The following IRF5 variants were observed in gnomAD, a reference collection of about 807,000 sequenced individuals.
IRF5 encodes the protein interferon regulatory factor 5.
In IRF5, 24 loss-of-function variants were observed where a neutral mutation model predicts 55.1. That is an observed-to-expected ratio of 0.44 (90% CI 0.32 to 0.61). IRF5 has a LOEUF of 0.61. Among genes scored for constraint, IRF5 ranks in the 20% least tolerant of loss-of-function variants. IRF5 has a pLI of 0.07. For synonymous variants in IRF5, 258 were observed against 260.2 expected (o/e 0.99, Z 0.08); for missense variants, 499 against 658.5 (o/e 0.76, Z 2.65).
chr7:128,947,101 C>G lies in IRF5; in HGVS notation c.481+45C>G. 3.1e-6 allele frequency: 5 copies of G among 1,613,940 alleles called. No individual in the cohort carries two copies. Among genetic ancestry groups the G allele is most frequent in the Non-Finnish European group, 4.2e-6 (5 of 1,179,914 alleles). On this transcript the variant is annotated intron_variant, in intron 5 of 8. Transcript: ENST00000357234. The surrounding 1 kb of genome is among the most constrained non-coding windows in gnomAD (Gnocchi z 6.5). Reference sequence around the variant, plus strand: ...GTTGGGGGTCTAGTATACAGAGAAGCTATAGGTACCATAGGTACCTGGAAG... The same window carrying G: ...GTTGGGGGTCTAGTATACAGAGAAGGTATAGGTACCATAGGTACCTGGAAG...
At position 128,943,780 on chromosome 7, in the gene IRF5, A is replaced by G. The variant is rs946065451; in HGVS notation, c.195+1504A>G. 7.3e-5 allele frequency among the ~76,000 whole-genome samples: 9 copies of G among 123,502 alleles called. 1 individual carries two copies. In the South Asian group the frequency reaches 1.9e-3, roughly 26 times the overall value. The allele number at this position is 123,502 out of a possible 152,430, so 81.0% of individuals were successfully genotyped here. ...AAGACAGGGTTTCACCCTGTTGGCC[A>G]GGCTGGTCTTGAACTCCTGACCTCA... is the stretch of plus-strand genomic sequence containing the variant. On this transcript the variant is annotated intron_variant, in intron 2 of 8. Coordinates refer to ENST00000357234, the MANE Select transcript of IRF5 (RefSeq NM_001098629.3).
At chr7:128,941,680 G>A (rs1003469513) in intron 1 of IRF5, among the ~76,000 whole-genome samples, 1 of 152,146 alleles carries the variant, frequency 6.6e-6, no homozygotes, top group Non-Finnish European at 1.5e-5. Flanking sequence ...CAAGACAGCC[G>A]GGCTTTTGGT....
At chr7:128,937,872 C>T (rs1186844431), upstream of IRF5, 1 of 146,722 alleles carries the variant, frequency 6.8e-6, no homozygotes, top group Non-Finnish European at 1.5e-5. Flanking sequence ...CGGGGCGGGG[C>T]GGGGCACTGC....
At chr7:128,943,762 G>C (rs1319052578) in intron 2 of IRF5, among the ~76,000 whole-genome samples, 1 of 117,162 alleles carries the variant, frequency 8.5e-6, no homozygotes, top group Non-Finnish European at 1.6e-5. Flanking sequence ...GTAAAGACAG[G>C]GTTTCACCCT....
chr7:128,946,159 CG>C lies in IRF5; in HGVS notation c.385+130del, dbSNP rs1796290330. 1.5e-5 allele frequency: 14 copies of C among 909,752 alleles called. No homozygotes were observed. The South Asian group carries it at 2.4e-4, about 16-fold the overall frequency. 56.4% of individuals were successfully genotyped at this position (909,752 alleles called of 1,614,324 possible). A position where few individuals can be genotyped will look rare whatever the true frequency, so the allele number is the denominator to read the frequency against. On this transcript the variant is annotated intron_variant, in intron 3 of 8. Coordinates refer to ENST00000357234, the MANE Select transcript of IRF5 (RefSeq NM_001098629.3). The surrounding 1 kb of genome is among the most constrained non-coding windows in gnomAD (Gnocchi z 4.2). ...GCAGGCAGTGGTCCAGGAAACGATG[CG>C]GGGGCTCCCGCTAGGTCATGACACC... is the stretch of plus-strand genomic sequence containing the variant.
chr7:128,938,246 GT>G (rs1432329681), intron 1 of IRF5, 197 bp downstream of exon 1: 36 of 152,324 alleles, frequency 2.4e-4, no homozygotes, highest in African/African-American at 8.0e-4. Context: ...GCGAGCTCGG[GT>G]GGGTGCCTAC....
At position 128,949,528 on chromosome 7, in the gene IRF5, G is replaced by T. The variant is rs960214573; in HGVS notation, c.*710G>T. On this transcript the variant is annotated 3_prime_UTR_variant, in exon 9 of 9. Transcript: ENST00000357234. ...TTGGCACTGGGAGGGCCTGGCTTCT[G>T]GGCTGATGGGTCAGTTGGGCCTTCA... is the stretch of plus-strand genomic sequence containing the variant. 5.9e-5 allele frequency: 9 copies of T among 152,192 alleles called. No individual in the cohort carries two copies. Among genetic ancestry groups the T allele is most frequent in the African/African-American group, 2.2e-4 (9 of 41,440 alleles). 9.4% of individuals were successfully genotyped at this position (152,192 alleles called of 1,614,324 possible).
chr7:128,941,901 A>G (rs1796043190), intron 1 of IRF5, among the ~76,000 whole-genome samples, 170 bp from the exon 2 acceptor site: 2 of 152,266 alleles, frequency 1.3e-5, no homozygotes, highest in African/African-American at 2.4e-5. Context: ...TCCAAACACA[A>G]AATTCCATGA....
chr7:128,947,521 C>A lies in IRF5; in HGVS notation c.773C>A (p.Pro258His), dbSNP rs760523827. Residue 258 changes from proline to histidine, a missense_variant, in exon 6 of 9, where the codon CCC (proline) becomes CAC (histidine). Physicochemically the swap from Pro to His is moderately conservative, Grantham distance 77. Transcript: ENST00000357234. This position sits in a 1 kb window ranked among gnomAD's most constrained non-coding sequence, Gnocchi z 6.5. ...EQLLPDLLIS[P>H]HMLPLTDLEI... ...CTCCTGCCAGACCTGCTGATCAGCCCCCACATGCTGCCTCGTAAGGACCCA... is the reference window on the plus strand; with the variant it reads ...CTCCTGCCAGACCTGCTGATCAGCCACCACATGCTGCCTCGTAAGGACCCA... The A allele has an allele frequency of 6.4e-7, 1 of 1,567,626 alleles. No individual in the cohort carries two copies. Among genetic ancestry groups the A allele is most frequent in the Non-Finnish European group, 8.6e-7 (1 of 1,163,014 alleles).
intron 2 of IRF5, chr7:128,942,955 A>G (rs998136465): frequency 1.9e-5 from 3 of 154,780 alleles, no homozygotes; most frequent in African/African-American, 7.3e-5. Flanking sequence ...TACATCATCA[A>G]TCTTTCAATT....
chr7:128,945,372 T>C (rs912530138), intron 2 of IRF5, among the ~76,000 whole-genome samples: 2 of 152,134 alleles, frequency 1.3e-5, no homozygotes, highest in East Asian at 1.9e-4. Flanking sequence ...TCCCAAAATG[T>C]TGGGATTACA....
Position 128,947,482 on chromosome 7 carries a change from C to T in IRF5, c.734C>T (p.Pro245Leu), listed in dbSNP as rs779635934. The T allele has an allele frequency of 8.1e-6, 13 of 1,605,424 alleles. No homozygotes were observed. Among genetic ancestry groups the T allele is most frequent in the Non-Finnish European group, 1.1e-5 (13 of 1,177,166 alleles). The change falls in exon 6 of 9, where the codon CCT (proline) becomes CTT (leucine). Residue 245 changes from proline to leucine, a missense_variant. Around this residue, in one of 2 missense-constraint regions of IRF5, gnomAD observed 305 missense variants for 340.2 expected, o/e 0.90. Transcript: ENST00000357234. This position sits in a 1 kb window ranked among gnomAD's most constrained non-coding sequence, Gnocchi z 6.5. ...EPGPLPASLP[P>L]AGEQLLPDLL... ...GGGCCCCTGCCTGCCAGCCTGCCCC[C>T]TGCAGGCGAACAGCTCCTGCCAGAC...
chr7:128,938,832 C>G (rs1209051819), intron 1 of IRF5, among the ~76,000 whole-genome samples: 1 of 152,008 alleles, frequency 6.6e-6, no homozygotes, highest in Non-Finnish European at 1.5e-5. Flanking sequence ...TGTCTCCGGA[C>G]CCCGGGAGGG....
In IRF5 at chr7:128,949,030, C is replaced by T. The variant is rs1796488656; in HGVS notation, c.*212C>T. 1 of 599,914 alleles carries T rather than the reference C, an allele frequency of 1.7e-6. No individual in the cohort carries two copies. The highest frequency in any genetic ancestry group is 2.1e-5 in the South Asian group (1 of 47,062). 37.2% of individuals were successfully genotyped at this position (599,914 alleles called of 1,614,324 possible). A position where few individuals can be genotyped will look rare whatever the true frequency, so the allele number is the denominator to read the frequency against. On this transcript the variant is annotated 3_prime_UTR_variant, in exon 9 of 9. Coordinates refer to ENST00000357234, the MANE Select transcript of IRF5 (RefSeq NM_001098629.3). ...CTGGGCTGTCTCTGGTCTGGTCAGCCTGGCTCTCGGGAAATTCAGCCATGA... is the reference window on the plus strand; with the variant it reads ...CTGGGCTGTCTCTGGTCTGGTCAGCTTGGCTCTCGGGAAATTCAGCCATGA...
In IRF5 at chr7:128,946,015, C is replaced by T. The variant is rs772068444; in HGVS notation, c.366C>T (p.Ser122=). Residue 122 remains serine (S), a synonymous_variant, in exon 3 of 9, where the codon TCC becomes TCT. Transcript: ENST00000357234. This position sits in a 1 kb window ranked among gnomAD's most constrained non-coding sequence, Gnocchi z 4.2. ...CCTACAAGATCTACGAGGTCTGCTC[C>T]AATGGCCCTGCTCCCACAGGTATCA... ...PQPYKIYEVC[S]NGPAPTDSQP... The T allele has an allele frequency of 2.5e-6, 4 of 1,606,190 alleles. No individual in the cohort carries two copies. The Admixed American group carries it at 5.2e-5, about 21-fold the overall frequency.
chr7:128,947,701 C>T lies in IRF5; in HGVS notation c.788-28C>T, dbSNP rs757581853. On this transcript the variant is annotated intron_variant, in intron 6 of 8. Coordinates refer to ENST00000357234, the MANE Select transcript of IRF5 (RefSeq NM_001098629.3). This position sits in a 1 kb window ranked among gnomAD's most constrained non-coding sequence, Gnocchi z 6.5. Reference sequence around the variant, plus strand: ...AATGGGGAGGCGTGGGGCTCAAGGACGGGATGGGCCTGCCTTCTGCCCCAC... The same window carrying T: ...AATGGGGAGGCGTGGGGCTCAAGGATGGGATGGGCCTGCCTTCTGCCCCAC... The T allele has an allele frequency of 6.4e-5, 100 of 1,565,348 alleles. No individual in the cohort carries two copies. The highest frequency in any genetic ancestry group is 7.4e-5 in the Non-Finnish European group (86 of 1,159,954).
Position 128,946,868 on chromosome 7 carries a change from T to C in IRF5, c.448-155T>C. ...TCTGACCTGCCTGGGATGGACGAGC[T>C]GGGACCGGAGGCAGGGTCTTGCCTG... On this transcript the variant is annotated intron_variant, in intron 4 of 8. Coordinates refer to ENST00000357234, the MANE Select transcript of IRF5 (RefSeq NM_001098629.3). This position sits in a 1 kb window ranked among gnomAD's most constrained non-coding sequence, Gnocchi z 4.2. 2.2e-6 allele frequency: 2 copies of C among 899,462 alleles called. No individual in the cohort carries two copies. 55.7% of individuals were successfully genotyped at this position (899,462 alleles called of 1,614,324 possible).
At position 128,946,058 on chromosome 7, in the gene IRF5, G is replaced by GA; in HGVS notation, c.385+24_385+25insA. 6.4e-7 allele frequency: 1 copy of GA among 1,556,284 alleles called. No individual in the cohort carries two copies. Among genetic ancestry groups the GA allele is most frequent in the East Asian group, 2.3e-5 (1 of 43,850 alleles). On this transcript the variant is annotated intron_variant, in intron 3 of 8. Coordinates refer to ENST00000357234, the MANE Select transcript of IRF5 (RefSeq NM_001098629.3). The surrounding 1 kb of genome is among the most constrained non-coding windows in gnomAD (Gnocchi z 4.2). ...AGGTATCAGGCCTAGCCCTCTGTGG[G>GA]CCACCTGGGAGGCTGTGCAATGTCC...
At position 128,946,912 on chromosome 7, in the gene IRF5, G is replaced by A; in HGVS notation, c.448-111G>A. Reference sequence around the variant, plus strand: ...TTGCCTGAGCTAAACTGAGGCTAGGGGAGTTGCCTCATAGTTCTCGCCTGT... The same window carrying A: ...TTGCCTGAGCTAAACTGAGGCTAGGAGAGTTGCCTCATAGTTCTCGCCTGT... On this transcript the variant is annotated intron_variant, in intron 4 of 8. Transcript: ENST00000357234. This position sits in a 1 kb window ranked among gnomAD's most constrained non-coding sequence, Gnocchi z 4.2. The A allele has an allele frequency of 7.6e-7, 1 of 1,315,344 alleles. No homozygotes were observed. Among genetic ancestry groups the A allele is most frequent in the Non-Finnish European group, 1.1e-6 (1 of 913,596 alleles). The allele number at this position is 1,315,344 out of a possible 1,614,324, so 81.5% of individuals were successfully genotyped here. A position where few individuals can be genotyped will look rare whatever the true frequency, so the allele number is the denominator to read the frequency against.
Sources: allele counts gnomAD v4.1 joint callset (sites outside exome capture counted in the v4.1 genomes callset), GRCh38; gene constraint gnomAD v4.1.1; regional missense constraint gnomAD v4.1.1; non-coding constraint Gnocchi (gnomAD v3.1); transcripts MANE v1.5; gene names NCBI Gene and HGNC (gene_info 2026-07-23, HGNC 2026-07-21).